The following FTO variants were observed in gnomAD, a reference collection of about 807,000 sequenced individuals.
FTO encodes the protein FTO alpha-ketoglutarate dependent dioxygenase, also known as alpha-ketoglutarate-dependent dioxygenase FTO.
In FTO, 47 loss-of-function variants were observed where a neutral mutation model predicts 63.9. The ratio of observed to expected loss-of-function variants is 0.74; its 90% CI spans 0.58 to 0.94. FTO has a LOEUF of 0.94. FTO is among the 40% of genes least tolerant of loss of function. FTO has a pLI of 0.00. For missense variants in FTO, 562 were observed against 618.1 expected, an observed-to-expected ratio of 0.91 and a Z score of 0.96; for synonymous variants, 207 against 224.4, an observed-to-expected ratio of 0.92 and a Z score of 0.69.
intron 1 of FTO, among the ~76,000 whole-genome samples, chr16:53,731,698 G>GGGACTACA (rs1278718343): frequency 6.6e-6 from 1 of 151,868 alleles, no homozygotes; most frequent in African/African-American, 2.4e-5. Flanking sequence ...CCGAGTAGCT[G>GGGACTACA]GGACTACAGG....
intron 1 of FTO, among the ~76,000 whole-genome samples, chr16:53,717,198 C>T (rs2075914800): frequency 6.6e-6 from 1 of 151,884 alleles, no homozygotes; most frequent in African/African-American, 2.4e-5. Flanking sequence ...ATTTTTGGTT[C>T]TCATTGTCAA....
chr16:53,961,437 G>A (rs2083078994), intron 8 of FTO, among the ~76,000 whole-genome samples: 1 of 152,206 alleles, frequency 6.6e-6, no homozygotes, highest in South Asian at 2.1e-4. Flanking sequence ...TGTTGCACCT[G>A]AAGTTTTTCT....
intron 1 of FTO, among the ~76,000 whole-genome samples, chr16:53,727,678 A>G (rs1448356935): frequency 6.6e-6 from 1 of 152,146 alleles, no homozygotes; most frequent in Non-Finnish European, 1.5e-5. Context: ...TGCTTCTAAC[A>G]TTGTGCAGTG....
intron 8 of FTO, among the ~76,000 whole-genome samples, chr16:54,086,870 G>C (rs77398459): frequency 6.6e-6 from 1 of 152,180 alleles, no homozygotes; most frequent in Non-Finnish European, 1.5e-5. Flanking sequence ...ACTGAACGGG[G>C]AGAGCTTGTA....
chr16:53,814,093 T>C (rs1372809359), intron 2 of FTO, among the ~76,000 whole-genome samples: 1 of 152,194 alleles, frequency 6.6e-6, no homozygotes, highest in Non-Finnish European at 1.5e-5. Context: ...CTTTCTGCTG[T>C]ATTGTCCACC....
chr16:53,974,030 T>A (rs1038666037), intron 8 of FTO, among the ~76,000 whole-genome samples: 7 of 152,188 alleles, frequency 4.6e-5, no homozygotes, highest in Non-Finnish European at 8.8e-5. Context: ...CATATTTATA[T>A]AAAATCTCAG....
At chr16:53,826,564 C>T (rs1229066832) in intron 3 of FTO, 73 bp downstream of exon 3, 1 of 1,404,036 alleles carries the variant, frequency 7.1e-7, no homozygotes, top group Non-Finnish European at 1.0e-6. Context: ...TCTGGAGATA[C>T]ACACGCATAT....
At chr16:53,903,517 C>T (rs1270589847) in intron 7 of FTO, among the ~76,000 whole-genome samples, 2 of 152,152 alleles carry the variant, frequency 1.3e-5, no homozygotes, top group African/African-American at 4.8e-5. Flanking sequence ...CCTCAGCCTC[C>T]CAAAGTGCTG....
chr16:54,015,337 G>A (rs1202132723), intron 8 of FTO, among the ~76,000 whole-genome samples: 12 of 152,168 alleles, frequency 7.9e-5, no homozygotes, highest in Admixed American at 2.6e-4. Flanking sequence ...CTAAGTGTGC[G>A]TCACCTACAC....
intron 8 of FTO, among the ~76,000 whole-genome samples, chr16:53,938,864 C>A (rs535026141): frequency 6.6e-6 from 1 of 151,254 alleles, no homozygotes; most frequent in African/African-American, 2.4e-5. Flanking sequence ...CCTAGACGGG[C>A]GGATCATGAG....
intron 1 of FTO, among the ~76,000 whole-genome samples, chr16:53,709,734 GTGTTCACTTTAT>G (rs1249994461): frequency 6.6e-6 from 1 of 152,162 alleles, no homozygotes; most frequent in African/African-American, 2.4e-5. Flanking sequence ...ACATCTTGCT[GTGTTCACTTTAT>G]TGCTCTCTTT....
At chr16:53,930,643 A>G (rs906591626) in intron 7 of FTO, among the ~76,000 whole-genome samples, 1 of 152,218 alleles carries the variant, frequency 6.6e-6, no homozygotes, top group South Asian at 2.1e-4. Context: ...AATTACTACG[A>G]AAAATGAGTC....
chr16:53,859,290 C>T (rs2080101283), intron 4 of FTO, among the ~76,000 whole-genome samples: 1 of 152,048 alleles, frequency 6.6e-6, no homozygotes, highest in African/African-American at 2.4e-5. Flanking sequence ...TGACCTCCTT[C>T]TTTACACATC....
upstream of FTO, chr16:53,704,138 G>A (rs1474521026): frequency 6.5e-7 from 1 of 1,544,544 alleles, no homozygotes; most frequent in Non-Finnish European, 8.8e-7. Flanking sequence ...GGTCCAGGGC[G>A]AGGGATCTAC....
intron 1 of FTO, among the ~76,000 whole-genome samples, chr16:53,709,419 T>C (rs2075712360): frequency 6.6e-6 from 1 of 152,206 alleles, no homozygotes; most frequent in Admixed American, 6.5e-5. Flanking sequence ...TTCCTTACTG[T>C]AGGGATAGGG....
intron 1 of FTO, among the ~76,000 whole-genome samples, chr16:53,740,180 A>G (rs184143664): frequency 1.3e-3 from 198 of 152,274 alleles, no homozygotes; most frequent in African/African-American, 4.3e-3. Context: ...TCCCTGTCCT[A>G]TTGTTTTTCT....
At chr16:54,024,763 A>G (rs2084678405) in intron 8 of FTO, among the ~76,000 whole-genome samples, 4 of 152,314 alleles carry the variant, frequency 2.6e-5, no homozygotes, top group Non-Finnish European at 4.4e-5. Context: ...ATCAGGGAGT[A>G]GTGTCTGCCA....
chr16:54,097,949 A>G (rs1288822783), intron 8 of FTO, among the ~76,000 whole-genome samples: 1 of 152,014 alleles, frequency 6.6e-6, no homozygotes, highest in Non-Finnish European at 1.5e-5. Flanking sequence ...TTAGGGGAGG[A>G]GTGTTCAAGG....
intron 8 of FTO, among the ~76,000 whole-genome samples, chr16:54,035,261 A>T (rs2084917383): frequency 6.6e-6 from 1 of 152,218 alleles, no homozygotes; most frequent in Admixed American, 6.5e-5. Flanking sequence ...TTTTTCCAAG[A>T]TCATTCACAT....
Sources: allele counts gnomAD v4.1 joint callset (sites outside exome capture counted in the v4.1 genomes callset), GRCh38; gene constraint gnomAD v4.1.1; transcripts MANE v1.5; gene names NCBI Gene and HGNC (gene_info 2026-07-23, HGNC 2026-07-21).